Variants in MYOF observed in about 807,000 individuals in gnomAD.
The protein encoded by MYOF is myoferlin.
Under a neutral mutation model 284.2 loss-of-function variants are expected in MYOF, and 244 were observed. The ratio of observed to expected loss-of-function variants is 0.86; its 90% CI spans 0.77 to 0.95. MYOF has a LOEUF of 0.95. Among genes scored for constraint, MYOF ranks in the 40% least tolerant of loss-of-function variants. The pLI is 0.00. For synonymous variants in MYOF, 904 were observed against 919.7 expected (o/e 0.98, Z 0.31); for missense variants, 2,496 against 2,560.6 (o/e 0.97, Z 0.54).
At chr10:93,335,260 G>T (rs1249154816) in intron 41 of MYOF, among the ~76,000 whole-genome samples, 1 of 152,138 alleles carries the variant, frequency 6.6e-6, no homozygotes, top group African/African-American at 2.4e-5. Context: ...AGGTGTGTCC[G>T]GGGCTTGGGC....
chr10:93,348,269 A>G (rs1178193309), intron 36 of MYOF, among the ~76,000 whole-genome samples: 3 of 152,198 alleles, frequency 2.0e-5, no homozygotes, highest in African/African-American at 7.2e-5. Flanking sequence ...AATGGTCAAG[A>G]CAAAACTGAA....
Position 93,356,803 on chromosome 10 carries a change from G to T in MYOF, c.3166C>A (p.Leu1056Ile). 1 of 1,614,114 alleles carries T rather than the reference G, an allele frequency of 6.2e-7. No individual in the cohort carries two copies. Among genetic ancestry groups the T allele is most frequent in the East Asian group, 2.2e-5 (1 of 44,884 alleles). ...TTCCAGTGAAATTTCCAGCCAATTA[G>T]AGAAGCATATTCCCAGCCCTCTTGG... ...QDQEGWEYAS[L>I]IGWKFHWKQR... The change falls in exon 30 of 54, where the codon CTA (leucine) becomes ATA (isoleucine). Residue 1056 changes from leucine (L) to isoleucine (I), a missense_variant. Leu to Ile is a conservative substitution (Grantham distance 5). Coordinates refer to ENST00000359263, the MANE Select transcript of MYOF (RefSeq NM_013451.4).
rs1023804402 is a variant in MYOF at position 93,430,152 on chromosome 10, T to A, written c.345+1256A>T. On this transcript the variant is annotated intron_variant, in intron 4 of 53. Coordinates refer to ENST00000359263, the MANE Select transcript of MYOF (RefSeq NM_013451.4). ...GGTTTCACCATGTTAGCCAGGATGGTCTGGATCTCCTGACCTCAAGATCCG... is the reference window on the plus strand; with the variant it reads ...GGTTTCACCATGTTAGCCAGGATGGACTGGATCTCCTGACCTCAAGATCCG... Among the ~76,000 whole-genome samples the A allele has an allele frequency of 4.6e-5, 7 of 151,806 alleles. No individual in the cohort carries two copies. In the South Asian group the frequency reaches 1.5e-3, roughly 32 times the overall value.
At chr10:93,331,494 A>T (rs1843297453) in intron 43 of MYOF, among the ~76,000 whole-genome samples, 1 of 152,178 alleles carries the variant, frequency 6.6e-6, no homozygotes, top group Non-Finnish European at 1.5e-5. Context: ...CAATTCAGAC[A>T]GGGTTGCCTT....
rs773769849 is a variant in MYOF at position 93,381,322 on chromosome 10, C to G, written c.1773G>C (p.Glu591Asp). 6.8e-6 allele frequency: 11 copies of G among 1,614,236 alleles called. No individual in the cohort carries two copies. The highest frequency in any genetic ancestry group is 5.9e-6 in the Non-Finnish European group (7 of 1,180,048). ...CAATGCTGACTTCAAACTGAATGGC[C>G]TCACCAACATCTTGCAACATGGTGG... Reference protein sequence around the residue: ...HSATMLQDVGEAIQFEVSIGN... With the variant: ...HSATMLQDVGDAIQFEVSIGN... Residue 591 changes from glutamate (E) to aspartate (D), a missense_variant, in exon 20 of 54, where the codon GAG (glutamate) becomes GAC (aspartate). Coordinates refer to ENST00000359263, the MANE Select transcript of MYOF (RefSeq NM_013451.4).
At chr10:93,374,023 G>A (rs183383002) in intron 23 of MYOF, among the ~76,000 whole-genome samples, 6 of 152,080 alleles carry the variant, frequency 3.9e-5, no homozygotes, top group East Asian at 1.9e-4. Flanking sequence ...CCCCTATCCC[G>A]CTGACAGGCC....
chr10:93,335,413 GAGA>G (rs1343173055), intron 41 of MYOF, among the ~76,000 whole-genome samples: 1 of 152,304 alleles, frequency 6.6e-6, no homozygotes, highest in East Asian at 1.9e-4. Context: ...GTAGTCCAGA[GAGA>G]AGATCAGATT....
At chr10:93,339,972 G>A (rs1053793979) in intron 39 of MYOF, among the ~76,000 whole-genome samples, 181 bp downstream of exon 39, 2 of 152,104 alleles carry the variant, frequency 1.3e-5, no homozygotes, top group Admixed American at 6.5e-5. Flanking sequence ...CCAGCTACGC[G>A]GGAGGCTGAG....
At chr10:93,401,396 G>A (rs747461367) in intron 12 of MYOF, 22 bp downstream of exon 12, 1 of 1,609,588 alleles carries the variant, frequency 6.2e-7, no homozygotes, top group East Asian at 2.2e-5. Context: ...CAATTCTGGG[G>A]CAAGATTAAA....
intron 48 of MYOF, among the ~76,000 whole-genome samples, chr10:93,322,085 A>G (rs1432124991): frequency 6.6e-6 from 1 of 152,216 alleles, no homozygotes; most frequent in Non-Finnish European, 1.5e-5. Context: ...AGAGAATGGT[A>G]ATGAGATCCA....
intron 5 of MYOF, among the ~76,000 whole-genome samples, chr10:93,411,538 G>C (rs1276600951): frequency 6.6e-6 from 1 of 152,196 alleles, no homozygotes; most frequent in Non-Finnish European, 1.5e-5. Context: ...GCAATTGGAA[G>C]GGGCTTCTTC....
intron 45 of MYOF, among the ~76,000 whole-genome samples, chr10:93,327,889 C>G (rs569162903): frequency 4.6e-5 from 7 of 152,204 alleles, no homozygotes; most frequent in Non-Finnish European, 1.0e-4. Flanking sequence ...TCCTGAGTAG[C>G]TGGGATTACA....
chr10:93,334,056 T>G, intron 41 of MYOF, 143 bp from the exon 42 acceptor site: 1 of 742,012 alleles, frequency 1.3e-6, no homozygotes, highest in South Asian at 2.2e-5. Context: ...TATTGCACTT[T>G]GCATATTTCC....
chr10:93,436,887 G>A lies in MYOF; in HGVS notation c.237-5371C>T, dbSNP rs112807836. ...AGAATATTATAGTGTGACAGTGAGGGGGAAGCCTTGCTCTATATTTTCATG... is the reference window on the plus strand; with the variant it reads ...AGAATATTATAGTGTGACAGTGAGGAGGAAGCCTTGCTCTATATTTTCATG... On this transcript the variant is annotated intron_variant, in intron 3 of 53. Coordinates refer to ENST00000359263, the MANE Select transcript of MYOF (RefSeq NM_013451.4). Among the ~76,000 whole-genome samples the A allele has an allele frequency of 1.6e-3, 240 of 152,240 alleles. 1 individual carries two copies. The highest frequency in any genetic ancestry group is 5.7e-3 in the African/African-American group (235 of 41,548).
At chr10:93,448,320 C>A (rs937417331) in intron 3 of MYOF, among the ~76,000 whole-genome samples, 3 of 152,048 alleles carry the variant, frequency 2.0e-5, no homozygotes, top group African/African-American at 7.2e-5. Context: ...CACCTTATCA[C>A]CACCTCACAT....
At chr10:93,426,418 G>A (rs1848592793) in intron 4 of MYOF, among the ~76,000 whole-genome samples, 1 of 152,178 alleles carries the variant, frequency 6.6e-6, no homozygotes, top group South Asian at 2.1e-4. Flanking sequence ...CTCATCAACA[G>A]AGTAAAGTTG....
chr10:93,426,659 C>T (rs1244339800), intron 4 of MYOF, among the ~76,000 whole-genome samples: 3 of 152,070 alleles, frequency 2.0e-5, no homozygotes, highest in African/African-American at 2.4e-5. Context: ...GAGGCCGAAG[C>T]GGGTGGATCA....
In MYOF at chr10:93,459,201, C is replaced by A. The variant is rs576453118; in HGVS notation, c.89-2264G>T. ...CTGTCCAGAAACTTCCCCTCCCACA[C>A]TTCCATTTTGACCCCACCCTTCCCT... On this transcript the variant is annotated intron_variant, in intron 1 of 53. Coordinates refer to ENST00000359263, the MANE Select transcript of MYOF (RefSeq NM_013451.4). Among the ~76,000 whole-genome samples, 4 of 152,300 alleles carry A rather than the reference C, an allele frequency of 2.6e-5. No homozygotes were observed. The South Asian group carries it at 8.3e-4, about 32-fold the overall frequency.
At position 93,306,997 on chromosome 10, in the gene MYOF, T is replaced by G; in HGVS notation, c.6152A>C (p.Tyr2051Ser). 1 of 1,612,806 alleles carries G rather than the reference T, an allele frequency of 6.2e-7. No homozygotes were observed. The highest frequency in any genetic ancestry group is 1.3e-5 in the African/African-American group (1 of 75,002). ...VAVLLYSLPN[Y>S]LSMKIVKPNV is the part of the protein sequence containing the mutation. ...TGGCTTTACAATCTTCATTGACAAA[T>G]AGTTCTGGAAAGGAAACAAAAACAG... Residue 2051 changes from tyrosine to serine, a missense_variant, in exon 54 of 54, where the codon TAT (tyrosine) becomes TCT (serine). Physicochemically the swap from Tyr to Ser is moderately radical, Grantham distance 144. Around this residue, in one of 3 missense-constraint regions of MYOF, gnomAD observed 2,436 missense variants for 2,480.7 expected, o/e 0.98. Coordinates refer to ENST00000359263, the MANE Select transcript of MYOF (RefSeq NM_013451.4).
Sources: allele counts gnomAD v4.1 joint callset (sites outside exome capture counted in the v4.1 genomes callset), GRCh38; gene constraint gnomAD v4.1.1; regional missense constraint gnomAD v4.1.1; transcripts MANE v1.5; gene names NCBI Gene and HGNC (gene_info 2026-07-23, HGNC 2026-07-21).